Variants in CACNA1G observed in about 807,000 individuals in gnomAD.
CACNA1G encodes voltage-dependent T-type calcium channel subunit alpha-1G.
Under a neutral mutation model 219.4 loss-of-function variants are expected in CACNA1G, and 67 were observed. That is an observed-to-expected ratio of 0.31 (90% CI 0.25 to 0.37). The LOEUF (loss-of-function observed/expected upper bound fraction) is 0.37. CACNA1G is among the 10% of genes least tolerant of loss of function. The pLI, the probability that CACNA1G is intolerant of heterozygous loss-of-function variation, is 1.00. For missense variants in CACNA1G, 2,380 were observed against 3,231.4 expected (o/e 0.74, Z 6.39); for synonymous variants, 1,296 against 1,345.3 (o/e 0.96, Z 0.80).
intron 25 of CACNA1G, among the ~76,000 whole-genome samples, chr17:50,609,141 G>A (rs1013490320): frequency 5.3e-5 from 8 of 152,258 alleles, no homozygotes; most frequent in East Asian, 3.9e-4. Flanking sequence ...GGGTTGCCGT[G>A]CCCCTGCCTC....
chr17:50,584,289 G>T (rs141028382), intron 9 of CACNA1G, among the ~76,000 whole-genome samples: 1 of 152,042 alleles, frequency 6.6e-6, no homozygotes, highest in African/African-American at 2.4e-5. Flanking sequence ...TGGAGGGAGC[G>T]GGCTTAGACT....
Position 50,589,922 on chromosome 17 carries a change from G to C in CACNA1G, c.2302-549G>C, listed in dbSNP as rs796380159. Among the ~76,000 whole-genome samples the C allele has an allele frequency of 2.8e-4, 39 of 140,244 alleles. No individual in the cohort carries two copies. In the South Asian group the frequency reaches 6.3e-3, roughly 23 times the overall value. 92.0% of individuals were successfully genotyped at this position (140,244 alleles called of 152,430 possible). On this transcript the variant is annotated intron_variant, in intron 9 of 37. Transcript: ENST00000359106. Reference sequence around the variant, plus strand: ...TCTCTCTCTCTCTCTCTGTGTGTGTGTGTGTGTGTGTGTGTGTGTGTGTGT... The same window carrying C: ...TCTCTCTCTCTCTCTCTGTGTGTGTCTGTGTGTGTGTGTGTGTGTGTGTGT...
chr17:50,618,533 A>T lies in CACNA1G; in HGVS notation c.5428-122A>T. 1 of 1,016,786 alleles carries T rather than the reference A, an allele frequency of 9.8e-7. No individual in the cohort carries two copies. Among genetic ancestry groups the T allele is most frequent in the Non-Finnish European group, 1.5e-6 (1 of 682,722 alleles). 63.0% of individuals were successfully genotyped at this position (1,016,786 alleles called of 1,614,324 possible). A position where few individuals can be genotyped will look rare whatever the true frequency, so the allele number is the denominator to read the frequency against. On this transcript the variant is annotated intron_variant, in intron 32 of 37. Coordinates refer to ENST00000359106, the MANE Select transcript of CACNA1G (RefSeq NM_018896.5). This position sits in a 1 kb window ranked among gnomAD's most constrained non-coding sequence, Gnocchi z 5.3. ...TTGTAGTGCTCCTCTGCCCCCAAAC[A>T]CTCCCTCCTCCTCCCCTTCCTTCCC... is the stretch of plus-strand genomic sequence containing the variant.
intron 24 of CACNA1G, chr17:50,607,307 C>G (rs1236471632): frequency 7.5e-6 from 3 of 399,270 alleles, no homozygotes; most frequent in Non-Finnish European, 1.4e-5. Flanking sequence ...AGTTGGAGAC[C>G]AGCCTGGGCA....
chr17:50,570,747 C>T (rs550218560), intron 4 of CACNA1G, among the ~76,000 whole-genome samples: 7 of 152,182 alleles, frequency 4.6e-5, no homozygotes, highest in South Asian at 2.1e-4. Flanking sequence ...GTCTAACCAC[C>T]GGTGTAATTC....
chr17:50,611,254 A>T (rs1327389879), intron 26 of CACNA1G, among the ~76,000 whole-genome samples: 11 of 6,428 alleles, frequency 1.7e-3, no homozygotes, highest in African/African-American at 7.4e-3. Flanking sequence ...ACTCCATTTA[A>T]AAAAAAAAAA....
chr17:50,583,530 C>T (rs965092816), intron 9 of CACNA1G, among the ~76,000 whole-genome samples: 5 of 152,126 alleles, frequency 3.3e-5, no homozygotes, highest in Admixed American at 2.0e-4. Flanking sequence ...TGCCAAATGC[C>T]GCAAGAGAGG....
In CACNA1G at chr17:50,578,048, C is replaced by A; in HGVS notation, c.1925-140C>A. Reference sequence around the variant, plus strand: ...ACTGCCCACCTTGCCTGACATTCAGCACCCCTGGCCCACTAAGTGCCTAGC... The same window carrying A: ...ACTGCCCACCTTGCCTGACATTCAGAACCCCTGGCCCACTAAGTGCCTAGC... On this transcript the variant is annotated intron_variant, in intron 8 of 37. Transcript: ENST00000359106. The surrounding 1 kb of genome is among the most constrained non-coding windows in gnomAD (Gnocchi z 4.5). 2 of 949,576 alleles carry A rather than the reference C, an allele frequency of 2.1e-6. No homozygotes were observed. Among genetic ancestry groups the A allele is most frequent in the Non-Finnish European group, 3.0e-6 (2 of 672,262 alleles). The allele number at this position is 949,576 out of a possible 1,614,324, so 58.8% of individuals were successfully genotyped here. A position where few individuals can be genotyped will look rare whatever the true frequency, so the allele number is the denominator to read the frequency against.
chr17:50,569,860 C>A, intron 4 of CACNA1G, 57 bp downstream of exon 4: 1 of 1,305,754 alleles, frequency 7.7e-7, no homozygotes, highest in Non-Finnish European at 1.1e-6. Flanking sequence ...AAATGTGGAA[C>A]TCTCAGACCC....
Position 50,578,245 on chromosome 17 carries a change from C to G in CACNA1G, c.1982C>G (p.Ala661Gly). Reference sequence around the variant, plus strand: ...CCTTGCTTGAAAGCAGACAGTGGAGCCTGTGGTCCAGACAGCTGCCCCTAC... The same window carrying G: ...CCTTGCTTGAAAGCAGACAGTGGAGGCTGTGGTCCAGACAGCTGCCCCTAC... The part of the protein sequence containing the change: ...SSPCLKADSG[A>G]CGPDSCPYCA... The change falls in exon 9 of 38, where the codon GCC becomes GGC. Residue 661 changes from alanine (A) to glycine (G), a missense_variant. Physicochemically the swap from Ala to Gly is moderately conservative, Grantham distance 60. Around this residue, in one of 17 missense-constraint regions of CACNA1G, gnomAD observed 434 missense variants for 417.3 expected, o/e 1.04. Transcript: ENST00000359106. The surrounding 1 kb of genome is among the most constrained non-coding windows in gnomAD (Gnocchi z 4.5). 3 of 1,608,984 alleles carry G rather than the reference C, an allele frequency of 1.9e-6. No individual in the cohort carries two copies. The highest frequency in any genetic ancestry group is 2.5e-6 in the Non-Finnish European group (3 of 1,177,348).
chr17:50,624,232 G>A, intron 36 of CACNA1G, 128 bp from the exon 37 acceptor site: 1 of 1,253,552 alleles, frequency 8.0e-7, no homozygotes, highest in Non-Finnish European at 1.1e-6. Context: ...TTGAGTCCAG[G>A]GGGTAAGGGT....
chr17:50,575,659 C>A lies in CACNA1G; in HGVS notation c.1257C>A (p.Asn419Lys). ...AGCAGCGTGTGCGGTTCCTGTCCAACGCCAGCACCCTGGCTAGCTTCTCTG... is the reference window on the plus strand; with the variant it reads ...AGCAGCGTGTGCGGTTCCTGTCCAAAGCCAGCACCCTGGCTAGCTTCTCTG... The part of the protein sequence containing the change: ...MREQRVRFLS[N>K]ASTLASFSEP... Residue 419 changes from asparagine to lysine, a missense_variant, in exon 8 of 38, where the codon AAC becomes AAA. By Grantham distance (94) the Asn-to-Lys change is moderately conservative. Transcript: ENST00000359106. The A allele has an allele frequency of 6.2e-7, 1 of 1,613,470 alleles. No individual in the cohort carries two copies.
chr17:50,564,100 AGAG>A (rs1488180805), intron 1 of CACNA1G, among the ~76,000 whole-genome samples: 4 of 147,694 alleles, frequency 2.7e-5, no homozygotes, highest in Admixed American at 2.7e-4. Flanking sequence ...GGTTTCCTAG[AGAG>A]GAGATCTAGA....
intron 28 of CACNA1G, among the ~76,000 whole-genome samples, chr17:50,616,849 CGTTTT>C (rs201576616): frequency 3.9e-5 from 6 of 152,040 alleles, no homozygotes; most frequent in South Asian, 4.2e-4. Flanking sequence ...GGGTGTTTTT[CGTTTT>C]GTTTTGTTTT....
At position 50,561,558 on chromosome 17, in the gene CACNA1G, G is replaced by A. The variant is rs1597898141; in HGVS notation, c.99G>A (p.Gly33=). 1.9e-6 allele frequency: 3 copies of A among 1,544,334 alleles called. No homozygotes were observed. Among genetic ancestry groups the A allele is most frequent in the Non-Finnish European group, 1.7e-6 (2 of 1,148,346 alleles). Reference sequence around the variant, plus strand: ...TGTCGGGGGCCGGGGGCCGGCCGGGGCCGGGGTCAGCAGAAAAGGACCCGG... The same window carrying A: ...TGTCGGGGGCCGGGGGCCGGCCGGGACCGGGGTCAGCAGAAAAGGACCCGG... ...NDLSGAGGRP[G]PGSAEKDPGS... Residue 33 remains glycine (G), a synonymous_variant, in exon 1 of 38, where the codon GGG becomes GGA. Transcript: ENST00000359106.
At chr17:50,569,401 C>A in intron 3 of CACNA1G, 103 bp downstream of exon 3, 1 of 1,240,944 alleles carries the variant, frequency 8.1e-7, no homozygotes, top group Non-Finnish European at 1.2e-6. Flanking sequence ...CCAGTTACAG[C>A]ACCACTTTCT....
chr17:50,617,343 C>A lies in CACNA1G; in HGVS notation c.5022-95C>A. The A allele has an allele frequency of 7.3e-7, 1 of 1,366,858 alleles. No individual in the cohort carries two copies. The highest frequency in any genetic ancestry group is 1.4e-5 in the African/African-American group (1 of 69,654). The allele number at this position is 1,366,858 out of a possible 1,614,324, so 84.7% of individuals were successfully genotyped here. Reference sequence around the variant, plus strand: ...GGGAGGCTGGACCCGCTGATGTCTGCCCTCCTTTCAAGCCCTGTCTTTCTG... The same window carrying A: ...GGGAGGCTGGACCCGCTGATGTCTGACCTCCTTTCAAGCCCTGTCTTTCTG... On this transcript the variant is annotated intron_variant, in intron 28 of 37. Transcript: ENST00000359106. The surrounding 1 kb of genome is among the most constrained non-coding windows in gnomAD (Gnocchi z 5.8).
rs2038792703 is a variant in CACNA1G, at chr17:50,569,188, C to T, written c.378C>T (p.Ala126=). 1 of 1,613,888 alleles carries T rather than the reference C, an allele frequency of 6.2e-7. No individual in the cohort carries two copies. ...ILQAFDDFIF[A]FFAVEMVVKM... ...AGGCCTTTGATGACTTCATCTTTGC[C>T]TTCTTTGCCGTGGAGATGGTGGTGA... The change falls in exon 3 of 38, where the codon GCC becomes GCT. Residue 126 remains alanine, a synonymous_variant. Transcript: ENST00000359106.
intron 9 of CACNA1G, among the ~76,000 whole-genome samples, chr17:50,583,435 A>C (rs2042357021): frequency 6.6e-6 from 1 of 152,180 alleles, no homozygotes; most frequent in South Asian, 2.1e-4. Context: ...AGAATATTAG[A>C]ATATCAGGGG....
Sources: gnomAD v4.1 joint callset for allele counts (sites outside exome capture counted in the v4.1 genomes callset) on GRCh38, gnomAD v4.1.1 for gene constraint, gnomAD v4.1.1 regional missense constraint, Gnocchi (gnomAD v3.1) non-coding constraint, MANE v1.5 for transcripts, NCBI Gene and HGNC (gene_info 2026-07-23, HGNC 2026-07-21) for gene names.